The following SH3GL2 variants were observed in gnomAD, a reference collection of about 807,000 sequenced individuals.
The protein encoded by SH3GL2 is SH3 domain containing GRB2 like 2, endophilin A1, also known as endophilin-A1.
SH3GL2 carries 24 observed loss-of-function variants against 46.0 expected under a neutral mutation model. The ratio of observed to expected loss-of-function variants is 0.52; its 90% CI spans 0.38 to 0.73. The LOEUF (loss-of-function observed/expected upper bound fraction) is 0.73, where lower values mean the gene tolerates loss of function less well. Ranked by LOEUF, SH3GL2 falls within the 30% of genes least tolerant of loss-of-function variation. The pLI is 0.00. For synonymous variants in SH3GL2, 196 were observed against 147.1 expected (o/e 1.33, Z -2.40); for missense variants, 413 against 424.2 (o/e 0.97, Z 0.23).
intron 1 of SH3GL2, among the ~76,000 whole-genome samples, chr9:17,696,567 T>G (rs1821206006): frequency 6.6e-6 from 1 of 152,100 alleles, no homozygotes; most frequent in Non-Finnish European, 1.5e-5. Context: ...GGCACCTTCT[T>G]CACAGGGCGG....
chr9:17,688,740 G>T (rs1339159188), intron 1 of SH3GL2, among the ~76,000 whole-genome samples: 1 of 152,040 alleles, frequency 6.6e-6, no homozygotes, highest in Non-Finnish European at 1.5e-5. Context: ...GCCAAAGACA[G>T]AAAAATTTGA....
At chr9:17,616,536 AG>A (rs1819003980) in intron 1 of SH3GL2, among the ~76,000 whole-genome samples, 1 of 152,166 alleles carries the variant, frequency 6.6e-6, no homozygotes, top group Non-Finnish European at 1.5e-5. Context: ...TAGAGAAAGA[AG>A]GGGAGAGATC....
chr9:17,734,027 C>G (rs1225944098), intron 1 of SH3GL2, among the ~76,000 whole-genome samples: 1 of 151,964 alleles, frequency 6.6e-6, no homozygotes. Context: ...GATAAGAAAA[C>G]TTAATATAGG....
chr9:17,784,053 A>C (rs1217935443), intron 3 of SH3GL2, among the ~76,000 whole-genome samples: 1 of 152,186 alleles, frequency 6.6e-6, no homozygotes, highest in African/African-American at 2.4e-5. Context: ...TCATTAACCC[A>C]AGATTCTTAA....
intron 2 of SH3GL2, among the ~76,000 whole-genome samples, chr9:17,754,697 T>G (rs1323640926): frequency 1.3e-5 from 2 of 151,844 alleles, no homozygotes; most frequent in Non-Finnish European, 2.9e-5. Context: ...AATAAATAAC[T>G]TTCACCTCCC....
chr9:17,735,702 C>T (rs934632391), intron 1 of SH3GL2: 1 of 880,498 alleles, frequency 1.1e-6, no homozygotes, highest in Non-Finnish European at 1.4e-6. Context: ...CACTGAGGGA[C>T]AACTCTGTTG....
chr9:17,676,699 C>T (rs1349654535), intron 1 of SH3GL2, among the ~76,000 whole-genome samples: 1 of 152,198 alleles, frequency 6.6e-6, no homozygotes, highest in Non-Finnish European at 1.5e-5. Context: ...CATTTTGCTA[C>T]ATAGCCTCAA....
At chr9:17,729,773 A>G (rs1329424615) in intron 1 of SH3GL2, among the ~76,000 whole-genome samples, 1 of 151,994 alleles carries the variant, frequency 6.6e-6, no homozygotes, top group African/African-American at 2.4e-5. Context: ...ATAGTTGTAG[A>G]TGTGTAGTGT....
intron 1 of SH3GL2, among the ~76,000 whole-genome samples, chr9:17,600,535 A>G (rs1818652122): frequency 6.6e-6 from 1 of 152,230 alleles, no homozygotes; most frequent in African/African-American, 2.4e-5. Flanking sequence ...CACACACTGT[A>G]GACAGGGATC....
chr9:17,628,143 A>C (rs1819327382), intron 1 of SH3GL2, among the ~76,000 whole-genome samples: 1 of 152,162 alleles, frequency 6.6e-6, no homozygotes, highest in Non-Finnish European at 1.5e-5. Flanking sequence ...TTCTTCTTTA[A>C]AACACGATTA....
intron 1 of SH3GL2, among the ~76,000 whole-genome samples, chr9:17,714,258 T>G (rs1046310599): frequency 6.6e-6 from 1 of 151,580 alleles, no homozygotes; most frequent in African/African-American, 2.4e-5. Context: ...GTTTAAAGTG[T>G]TTGTAGGTTT....
intron 1 of SH3GL2, among the ~76,000 whole-genome samples, chr9:17,600,990 A>T (rs1358173132): frequency 2.0e-5 from 3 of 152,204 alleles, no homozygotes; most frequent in Non-Finnish European, 4.4e-5. Flanking sequence ...GTTATCCATT[A>T]GCTCAGTGAC....
At position 17,688,432 on chromosome 9, in the gene SH3GL2, A is replaced by G. The variant is rs78449221; in HGVS notation, c.46-58634A>G. Among the ~76,000 whole-genome samples the G allele has an allele frequency of 5.9e-5, 9 of 152,200 alleles. No individual in the cohort carries two copies. In the East Asian group the frequency reaches 1.7e-3, roughly 30 times the overall value. ...GTTTAACAGGTGAAGCTCTGGATAC[A>G]TTATTTATAAGCAGGAGAAGACAAA... On this transcript the variant is annotated intron_variant, in intron 1 of 8. Transcript: ENST00000380607.
At chr9:17,603,849 G>A (rs1178348136) in intron 1 of SH3GL2, among the ~76,000 whole-genome samples, 1 of 152,102 alleles carries the variant, frequency 6.6e-6, no homozygotes, top group Non-Finnish European at 1.5e-5. Context: ...TGGGCAACAA[G>A]AGCGAAACTC....
intron 1 of SH3GL2, among the ~76,000 whole-genome samples, chr9:17,620,879 AAG>A (rs1819122598): frequency 6.6e-6 from 1 of 152,146 alleles, no homozygotes; most frequent in South Asian, 2.1e-4. Flanking sequence ...AGGGGGAGGT[AAG>A]CAGAGGGGCA....
chr9:17,795,900 AGG>A lies in SH3GL2; in HGVS notation c.*158_*159del. ...CTTTGGTTGACTTGTGGGCTCCCACAGGAGTCATGGTGATGGATGATATCCTC... is the reference window on the plus strand; with the variant it reads ...CTTTGGTTGACTTGTGGGCTCCCACAAGTCATGGTGATGGATGATATCCTC... On this transcript the variant is annotated 3_prime_UTR_variant, in exon 9 of 9. Transcript: ENST00000380607. 1 of 623,988 alleles carries A rather than the reference AGG, an allele frequency of 1.6e-6. No individual in the cohort carries two copies. The highest frequency in any genetic ancestry group is 2.8e-6 in the Non-Finnish European group (1 of 352,794). 38.7% of individuals were successfully genotyped at this position (623,988 alleles called of 1,614,324 possible). A position where few individuals can be genotyped will look rare whatever the true frequency, so the allele number is the denominator to read the frequency against.
intron 1 of SH3GL2, among the ~76,000 whole-genome samples, chr9:17,728,983 A>G (rs1014979681): frequency 1.3e-5 from 2 of 152,140 alleles, no homozygotes; most frequent in Admixed American, 6.6e-5. Flanking sequence ...TACTTTTGGT[A>G]TATACTCCGT....
At chr9:17,770,046 C>G (rs1341351275) in intron 3 of SH3GL2, among the ~76,000 whole-genome samples, 1 of 152,144 alleles carries the variant, frequency 6.6e-6, no homozygotes, top group Admixed American at 6.5e-5. Context: ...CTCCATCTTA[C>G]GGGAGTAGCT....
chr9:17,659,862 A>C (rs1230634057), intron 1 of SH3GL2, among the ~76,000 whole-genome samples: 1 of 152,192 alleles, frequency 6.6e-6, no homozygotes, highest in Non-Finnish European at 1.5e-5. Flanking sequence ...GGGAAGACAA[A>C]AATATTTCAA....
Sources: allele counts gnomAD v4.1 joint callset (sites outside exome capture counted in the v4.1 genomes callset), GRCh38; gene constraint gnomAD v4.1.1; transcripts MANE v1.5; gene names NCBI Gene and HGNC (gene_info 2026-07-23, HGNC 2026-07-21).